The following CAMK2G variants were observed in gnomAD, a reference collection of about 807,000 sequenced individuals.
CAMK2G encodes the protein calcium/calmodulin-dependent protein kinase type II subunit gamma.
A neutral mutation model predicts 88.7 loss-of-function variants in CAMK2G; 23 were observed. The ratio of observed to expected loss-of-function variants is 0.26; its 90% CI spans 0.19 to 0.37. The LOEUF (loss-of-function observed/expected upper bound fraction) is 0.37, where lower values mean the gene tolerates loss of function less well. CAMK2G is among the 10% of genes least tolerant of loss of function. The pLI is 1.00. For missense variants in CAMK2G, 476 were observed against 780.8 expected, an observed-to-expected ratio of 0.61 and a Z score of 4.65; for synonymous variants, 263 against 294.8, an observed-to-expected ratio of 0.89 and a Z score of 1.11.
chr10:73,825,275 G>A lies in CAMK2G; in HGVS notation c.1155+4C>T. ...GAGGCGGAGAAGCTGTAGTCAGGAG[G>A]TACCATGGCCGTCTGCAAGGGCGCG... On this transcript the variant is annotated splice_donor_region_variant and intron_variant, in intron 16 of 22. Coordinates refer to ENST00000423381, the MANE Select transcript of CAMK2G (RefSeq NM_001367534.1). The A allele has an allele frequency of 6.2e-7, 1 of 1,608,050 alleles. No individual in the cohort carries two copies. Among genetic ancestry groups the A allele is most frequent in the South Asian group, 1.1e-5 (1 of 90,982 alleles).
intron 2 of CAMK2G, 47 bp downstream of exon 2, chr10:73,872,942 G>A: frequency 8.3e-7 from 1 of 1,208,820 alleles, no homozygotes; most frequent in Non-Finnish European, 1.2e-6. Flanking sequence ...AGAAACCATG[G>A]CCCCTGGAGG....
At chr10:73,853,106 G>C in intron 4 of CAMK2G, 86 bp downstream of exon 4, 1 of 1,266,360 alleles carries the variant, frequency 7.9e-7, no homozygotes, top group Non-Finnish European at 1.2e-6. Context: ...GCGGAGGCTG[G>C]AGAGCCTGTT....
chr10:73,859,470 C>G (rs1228407725), intron 3 of CAMK2G, among the ~76,000 whole-genome samples: 1 of 152,256 alleles, frequency 6.6e-6, no homozygotes, highest in Non-Finnish European at 1.5e-5. Flanking sequence ...CATGCCTAAT[C>G]TGTGACTGCT....
intron 2 of CAMK2G, among the ~76,000 whole-genome samples, chr10:73,869,216 C>T (rs1268224227): frequency 2.0e-5 from 3 of 152,242 alleles, no homozygotes; most frequent in Non-Finnish European, 2.9e-5. Context: ...AAAGCAGAAT[C>T]TCTGTGGCTA....
Position 73,814,364 on chromosome 10 carries a change from T to A in CAMK2G, c.*154A>T, listed in dbSNP as rs542306422. On this transcript the variant is annotated 3_prime_UTR_variant, in exon 23 of 23. Coordinates refer to ENST00000423381, the MANE Select transcript of CAMK2G (RefSeq NM_001367534.1). ...ACGAAGGGCGGGCGGGAGGGCTGCA[T>A]GCAGGGGCGTGCATTGGCTGCTGCC... The A allele has an allele frequency of 2.6e-5, 4 of 151,828 alleles. No individual in the cohort carries two copies. The highest frequency in any genetic ancestry group is 6.6e-5 in the Admixed American group (1 of 15,144). The allele number at this position is 151,828 out of a possible 1,614,324, so 9.4% of individuals were successfully genotyped here.
chr10:73,825,197 G>T, intron 16 of CAMK2G, 82 bp downstream of exon 16: 1 of 986,702 alleles, frequency 1.0e-6, no homozygotes, highest in Non-Finnish European at 1.6e-6. Flanking sequence ...CAGGAGGCCA[G>T]GGAGGGGGCA....
At chr10:73,841,935 C>T (rs2093820827) in intron 12 of CAMK2G, 1 of 555,074 alleles carries the variant, frequency 1.8e-6, no homozygotes, top group African/African-American at 1.9e-5. Flanking sequence ...GCAAGTTGGG[C>T]AGGCTACTCC....
chr10:73,849,230 G>C, intron 6 of CAMK2G, 31 bp downstream of exon 6: 3 of 1,597,968 alleles, frequency 1.9e-6, no homozygotes, highest in Non-Finnish European at 2.6e-6. Context: ...CACTTCATGA[G>C]CAGAGGCACG....
intron 5 of CAMK2G, 47 bp from the exon 6 acceptor site, chr10:73,849,380 C>T: frequency 7.3e-7 from 1 of 1,361,398 alleles, no homozygotes. Context: ...GTTAAACCAC[C>T]TCATCCACAT....
At position 73,812,501 on chromosome 10, in the gene CAMK2G, G is replaced by T. The variant is rs2084478091; in HGVS notation, c.*2017C>A. On this transcript the variant is annotated 3_prime_UTR_variant, in exon 23 of 23. Coordinates refer to ENST00000423381, the MANE Select transcript of CAMK2G (RefSeq NM_001367534.1). ...AACCTCCAACAGCAGTAACACAATG[G>T]ACTGTTTAAAGGTTATTTTATTAAA... is the stretch of plus-strand genomic sequence containing the variant. The T allele has an allele frequency of 6.6e-6, 1 of 152,568 alleles. No individual in the cohort carries two copies. Among genetic ancestry groups the T allele is most frequent in the Non-Finnish European group, 1.5e-5 (1 of 68,030 alleles). 9.5% of individuals were successfully genotyped at this position (152,568 alleles called of 1,614,324 possible).
At chr10:73,864,712 G>T (rs768312087) in intron 2 of CAMK2G, among the ~76,000 whole-genome samples, 1 of 151,800 alleles carries the variant, frequency 6.6e-6, no homozygotes, top group African/African-American at 2.4e-5. Flanking sequence ...GCATGATCTC[G>T]GCTCACTGCA....
intron 5 of CAMK2G, among the ~76,000 whole-genome samples, chr10:73,850,428 C>T (rs772780906): frequency 6.6e-6 from 1 of 152,224 alleles, no homozygotes; most frequent in African/African-American, 2.4e-5. Flanking sequence ...GCCCGCCCCC[C>T]CCCACCGCAG....
At position 73,841,111 on chromosome 10, in the gene CAMK2G, C is replaced by G. The variant is rs539383915; in HGVS notation, c.946+1058G>C. On this transcript the variant is annotated intron_variant, in intron 12 of 22. Transcript: ENST00000423381. ...CTTCCGGAGCTCCATGGCTCTCAGG[C>G]TACACCACGAAGCCCTAGGCTCCCT... is the stretch of plus-strand genomic sequence containing the variant. Among the ~76,000 whole-genome samples the G allele has an allele frequency of 5.9e-5, 9 of 152,352 alleles. No homozygotes were observed. In the East Asian group the frequency reaches 1.2e-3, roughly 20 times the overall value.
At chr10:73,864,646 T>G (rs547193509) in intron 2 of CAMK2G, among the ~76,000 whole-genome samples, 3 of 151,864 alleles carry the variant, frequency 2.0e-5, no homozygotes, top group African/African-American at 7.3e-5. Flanking sequence ...TTGTTTGTTT[T>G]TTTTGCTTTT....
In CAMK2G at chr10:73,839,423, T is replaced by C. The variant is rs1339654512; in HGVS notation, c.1009+116A>G. Reference sequence around the variant, plus strand: ...TTAGGTAGTCTGTCTGGCATGCCCATCTCAGCCCGCAAGCATGGGACTCGC... The same window carrying C: ...TTAGGTAGTCTGTCTGGCATGCCCACCTCAGCCCGCAAGCATGGGACTCGC... On this transcript the variant is annotated intron_variant, in intron 13 of 22. Coordinates refer to ENST00000423381, the MANE Select transcript of CAMK2G (RefSeq NM_001367534.1). The surrounding 1 kb of genome is among the most constrained non-coding windows in gnomAD (Gnocchi z 4.2). 4.0e-6 allele frequency: 2 copies of C among 495,388 alleles called. No homozygotes were observed. The highest frequency in any genetic ancestry group is 6.3e-6 in the Non-Finnish European group (2 of 315,296). 30.7% of individuals were successfully genotyped at this position (495,388 alleles called of 1,614,324 possible).
At chr10:73,854,011 C>T (rs549440286) in intron 3 of CAMK2G, among the ~76,000 whole-genome samples, 1 of 152,282 alleles carries the variant, frequency 6.6e-6, no homozygotes, top group South Asian at 2.1e-4. Flanking sequence ...GCACCAGAGG[C>T]TCAGGGACAC....
At chr10:73,843,206 G>A (rs952555418) in intron 10 of CAMK2G, among the ~76,000 whole-genome samples, 2 of 152,012 alleles carry the variant, frequency 1.3e-5, no homozygotes, top group African/African-American at 4.8e-5. Context: ...TGGGACTACA[G>A]GCACATCCCA....
chr10:73,852,125 G>T, intron 5 of CAMK2G, 129 bp downstream of exon 5: 1 of 713,746 alleles, frequency 1.4e-6, no homozygotes, highest in South Asian at 1.7e-5. Flanking sequence ...TCTTTCTCCA[G>T]ACAAGAGCTA....
At chr10:73,831,358 C>G (rs1275097545) in intron 14 of CAMK2G, among the ~76,000 whole-genome samples, 1 of 151,460 alleles carries the variant, frequency 6.6e-6, no homozygotes, top group Non-Finnish European at 1.5e-5. Flanking sequence ...GCCAACATAG[C>G]AAAACCCCGT....
Sources: allele counts gnomAD v4.1 joint callset (sites outside exome capture counted in the v4.1 genomes callset), GRCh38; gene constraint gnomAD v4.1.1; non-coding constraint Gnocchi (gnomAD v3.1); transcripts MANE v1.5; gene names NCBI Gene and HGNC (gene_info 2026-07-23, HGNC 2026-07-21).